Variants in UBAP2 observed in about 807,000 individuals in gnomAD.
UBAP2 encodes ubiquitin associated protein 2.
Under a neutral mutation model 139.6 loss-of-function variants are expected in UBAP2, and 75 were observed. That is an observed-to-expected ratio of 0.54 (90% CI 0.45 to 0.65). UBAP2 has a LOEUF of 0.65. Ranked by LOEUF, UBAP2 falls within the 30% of genes least tolerant of loss-of-function variation. UBAP2 has a pLI of 0.00. For missense variants in UBAP2, 1,368 were observed against 1,369.6 expected (o/e 1.00, Z 0.02); for synonymous variants, 526 against 526.2 (o/e 1.00, Z 0.01).
intron 6 of UBAP2, 142 bp from the exon 7 acceptor site, chr9:33,973,379 T>G (rs1190907062): frequency 1.2e-6 from 1 of 854,360 alleles, no homozygotes; most frequent in Non-Finnish European, 1.9e-6. Context: ...GGGCACCCAA[T>G]TAACTGATCC....
chr9:33,954,496 C>A (rs1274728702), intron 11 of UBAP2, among the ~76,000 whole-genome samples: 1 of 152,106 alleles, frequency 6.6e-6, no homozygotes, highest in East Asian at 1.9e-4. Context: ...GCCAGATGCA[C>A]CGTATTACCT....
At chr9:33,982,600 T>A (rs1322461980) in intron 6 of UBAP2, among the ~76,000 whole-genome samples, 2 of 152,004 alleles carry the variant, frequency 1.3e-5, no homozygotes, top group Admixed American at 1.3e-4. Flanking sequence ...GATGAGAAAA[T>A]TATATGAACA....
chr9:34,035,259 T>G (rs934601269), intron 1 of UBAP2, among the ~76,000 whole-genome samples: 1 of 151,686 alleles, frequency 6.6e-6, no homozygotes, highest in Admixed American at 6.6e-5. Flanking sequence ...TCCCAGCACT[T>G]TGGGAGGCCG....
chr9:33,923,711 T>G, intron 24 of UBAP2, 84 bp downstream of exon 24: 1 of 1,419,230 alleles, frequency 7.0e-7, no homozygotes, highest in Non-Finnish European at 9.9e-7. Context: ...CAACCCTCCC[T>G]CCCTGCTGGA....
At chr9:33,983,532 G>A (rs562385882) in intron 6 of UBAP2, among the ~76,000 whole-genome samples, 127 of 152,296 alleles carry the variant, frequency 8.3e-4, no homozygotes, top group Middle Eastern at 3.4e-3. Flanking sequence ...AACCAGAACA[G>A]GGTGGTAAGG....
intron 28 of UBAP2, 29 bp from the exon 29 acceptor site, chr9:33,922,628 A>G (rs10971793): frequency 0.098 from 158,099 of 1,607,098 alleles, 9,152 homozygotes; most frequent in Non-Finnish European, 0.11. Context: ...GAAGGCTGTC[A>G]AGGCTGGAGC....
chr9:34,004,984 C>T (rs557958623), intron 2 of UBAP2, among the ~76,000 whole-genome samples: 15 of 151,370 alleles, frequency 9.9e-5, no homozygotes, highest in African/African-American at 3.2e-4. Context: ...AAACAACAGT[C>T]GGGCATGGTA....
chr9:34,018,896 A>G (rs1458463980), intron 1 of UBAP2, among the ~76,000 whole-genome samples: 1 of 151,918 alleles, frequency 6.6e-6, no homozygotes, highest in Non-Finnish European at 1.5e-5. Context: ...AATAAAAAAT[A>G]AATTAATTAA....
At chr9:34,012,827 A>T (rs575917706) in intron 2 of UBAP2, among the ~76,000 whole-genome samples, 46 of 148,652 alleles carry the variant, frequency 3.1e-4, no homozygotes, top group African/African-American at 1.0e-3. Context: ...CTTTTCCGTA[A>T]ATCTCACAAT....
chr9:33,961,594 G>GA (rs1179244844), intron 9 of UBAP2, among the ~76,000 whole-genome samples: 3 of 152,040 alleles, frequency 2.0e-5, no homozygotes, highest in Non-Finnish European at 4.4e-5. Context: ...CAGCATGTAT[G>GA]AAAAAAATGC....
At chr9:33,975,934 G>A (rs1225116376) in intron 6 of UBAP2, among the ~76,000 whole-genome samples, 2 of 152,054 alleles carry the variant, frequency 1.3e-5, no homozygotes, top group Non-Finnish European at 2.9e-5. Flanking sequence ...AACAAATTGA[G>A]GCCTGACATG....
intron 8 of UBAP2, 120 bp downstream of exon 8, chr9:33,971,531 A>T (rs1244334639): frequency 1.0e-5 from 7 of 675,000 alleles, no homozygotes; most frequent in Non-Finnish European, 1.3e-5. Context: ...GAGGTAGGAC[A>T]GTAGCCTGTT....
At chr9:33,952,881 T>C (rs2130972631) in intron 12 of UBAP2, 1 of 154,754 alleles carries the variant, frequency 6.5e-6, no homozygotes, top group South Asian at 2.0e-4. Context: ...TTTGATGTTT[T>C]GTTTTAGAGA....
Position 33,953,442 on chromosome 9 carries a change from A to G in UBAP2, c.899T>C (p.Val300Ala), listed in dbSNP as rs950104864. ...GGCTTCTGAGGCTTGACTGTGAGGAACAGGCTTCTGGAGCAAGGCTACCAG... is the reference window on the plus strand; with the variant it reads ...GGCTTCTGAGGCTTGACTGTGAGGAGCAGGCTTCTGGAGCAAGGCTACCAG... ...IDLVALLQKPVPHSQASEANS... is the reference protein window; with the variant it reads ...IDLVALLQKPAPHSQASEANS... The change falls in exon 12 of 29, where the codon GTT becomes GCT. Residue 300 changes from valine to alanine, a missense_variant. Transcript: ENST00000379238. 3.1e-6 allele frequency: 5 copies of G among 1,614,000 alleles called. No homozygotes were observed. In the African/African-American group the frequency reaches 5.3e-5, roughly 17 times the overall value.
chr9:33,942,643 T>C (rs1260218032), intron 15 of UBAP2, among the ~76,000 whole-genome samples: 1 of 150,974 alleles, frequency 6.6e-6, no homozygotes, highest in Non-Finnish European at 1.5e-5. Flanking sequence ...GGCAGGAGGA[T>C]CATTTGAGCC....
At chr9:34,022,795 A>G (rs1825077706) in intron 1 of UBAP2, among the ~76,000 whole-genome samples, 1 of 152,166 alleles carries the variant, frequency 6.6e-6, no homozygotes, top group Non-Finnish European at 1.5e-5. Context: ...TTAAGCATCT[A>G]ATCAAAAGCT....
At chr9:33,969,750 C>T (rs976134855) in intron 8 of UBAP2, among the ~76,000 whole-genome samples, 7 of 150,580 alleles carry the variant, frequency 4.6e-5, no homozygotes, top group Non-Finnish European at 1.0e-4. Flanking sequence ...CCTGTAATTC[C>T]AGCTACTCAG....
chr9:34,047,797 T>C (rs1305121423), intron 1 of UBAP2, among the ~76,000 whole-genome samples: 1 of 152,188 alleles, frequency 6.6e-6, no homozygotes, highest in Non-Finnish European at 1.5e-5. Flanking sequence ...CTGGGCAACA[T>C]ATGGAGACCA....
At chr9:34,007,366 C>T (rs1037896652) in intron 2 of UBAP2, among the ~76,000 whole-genome samples, 1 of 151,814 alleles carries the variant, frequency 6.6e-6, no homozygotes, top group African/African-American at 2.4e-5. Flanking sequence ...TATGGAAGTG[C>T]ACACCATTAG....
Sources: allele counts gnomAD v4.1 joint callset (sites outside exome capture counted in the v4.1 genomes callset), GRCh38; gene constraint gnomAD v4.1.1; transcripts MANE v1.5; gene names NCBI Gene and HGNC (gene_info 2026-07-23, HGNC 2026-07-21).